SLC4A4: variants seen among roughly 807,000 people sequenced by gnomAD.
SLC4A4 encodes solute carrier family 4 member 4.
A neutral mutation model predicts 111.5 loss-of-function variants in SLC4A4; 27 were observed. The ratio of observed to expected loss-of-function variants is 0.24; its 90% CI spans 0.18 to 0.33. SLC4A4 has a LOEUF of 0.33. SLC4A4 is among the 10% of genes least tolerant of loss of function. SLC4A4 has a pLI of 1.00. For missense variants in SLC4A4, 909 were observed against 1,315.5 expected, an observed-to-expected ratio of 0.69 and a Z score of 4.78; for synonymous variants, 443 against 463.4, an observed-to-expected ratio of 0.96 and a Z score of 0.57.
At chr4:71,215,385 A>T (rs1425498119) in intron 1 of SLC4A4, among the ~76,000 whole-genome samples, 1 of 152,108 alleles carries the variant, frequency 6.6e-6, no homozygotes, top group African/African-American at 2.4e-5. Flanking sequence ...TTCAAATAAT[A>T]CTCTACTCTC....
At chr4:71,400,833 TA>T (rs1720289160) in intron 7 of SLC4A4, among the ~76,000 whole-genome samples, 3 of 152,158 alleles carry the variant, frequency 2.0e-5, no homozygotes, top group Non-Finnish European at 4.4e-5. Flanking sequence ...TATTTTTTTT[TA>T]ACCTGTTTCT....
At chr4:71,552,710 T>C (rs572037713) in intron 20 of SLC4A4, among the ~76,000 whole-genome samples, 3 of 151,998 alleles carry the variant, frequency 2.0e-5, no homozygotes, top group Admixed American at 6.6e-5. Flanking sequence ...TTGTGCTTTC[T>C]GGGTATGATT....
In SLC4A4 at chr4:71,568,721, G is replaced by C. The variant is rs920720062; in HGVS notation, c.*970G>C. 10 of 152,072 alleles carry C rather than the reference G, an allele frequency of 6.6e-5. No homozygotes were observed. Among genetic ancestry groups the C allele is most frequent in the South Asian group, 2.1e-4 (1 of 4,816 alleles). The allele number at this position is 152,072 out of a possible 1,614,324, so 9.4% of individuals were successfully genotyped here. ...TCTACCTCTTATTTGTAGCTGCCAG[G>C]CTTTCTGTAAAAATTGTATTGTATA... On this transcript the variant is annotated 3_prime_UTR_variant, in exon 26 of 26. Transcript: ENST00000264485.
At chr4:71,521,658 T>C (rs1732944085) in intron 16 of SLC4A4, among the ~76,000 whole-genome samples, 1 of 152,036 alleles carries the variant, frequency 6.6e-6, no homozygotes, top group East Asian at 1.9e-4. Context: ...GAGGTTAGAG[T>C]ATATGGAAAC....
chr4:71,209,086 A>C (rs929609558), intron 1 of SLC4A4, among the ~76,000 whole-genome samples: 5 of 152,194 alleles, frequency 3.3e-5, no homozygotes, highest in Admixed American at 1.3e-4. Flanking sequence ...TTGCCTTTGT[A>C]GTTTATTCTG....
Position 71,437,218 on chromosome 4 carries a change from C to T in SLC4A4, c.808-3398C>T, listed in dbSNP as rs116746848. The T allele has an allele frequency of 1.4e-3, 537 of 377,134 alleles. 3 individuals carry two copies. Among genetic ancestry groups the T allele is most frequent in the African/African-American group, 0.011 (506 of 47,118 alleles). 23.4% of individuals were successfully genotyped at this position (377,134 alleles called of 1,614,324 possible). The stretch of plus-strand genomic sequence containing the variant: ...TGAGTCCCTATGCTGTCCAAGAATC[C>T]ACCTATGACAGCTTTCAGAGTGGAT... On this transcript the variant is annotated intron_variant, in intron 7 of 25. Coordinates refer to ENST00000264485, the MANE Select transcript of SLC4A4 (RefSeq NM_001098484.3).
At chr4:71,553,397 A>G (rs13151067) in intron 20 of SLC4A4, among the ~76,000 whole-genome samples, 2 of 151,604 alleles carry the variant, frequency 1.3e-5, no homozygotes, top group African/African-American at 4.8e-5. Flanking sequence ...ATTAGAAAAA[A>G]CATTTAGCTA....
intron 7 of SLC4A4, among the ~76,000 whole-genome samples, chr4:71,401,612 G>T (rs1720370105): frequency 6.6e-6 from 1 of 152,012 alleles, no homozygotes; most frequent in Non-Finnish European, 1.5e-5. Flanking sequence ...TGTGAGGTGG[G>T]TGCTTATCAA....
At chr4:71,106,414 C>T (rs1260500373) in intron 2 of SLC4A4, among the ~76,000 whole-genome samples, 2 of 148,856 alleles carry the variant, frequency 1.3e-5, no homozygotes, top group African/African-American at 2.5e-5. Flanking sequence ...CCAGCCATCC[C>T]ATTACTGGGT....
chr4:71,516,429 C>A (rs1732405824), intron 16 of SLC4A4, among the ~76,000 whole-genome samples: 1 of 152,024 alleles, frequency 6.6e-6, no homozygotes, highest in African/African-American at 2.4e-5. Context: ...TATTTGAGTC[C>A]TTTTTCTTAC....
At chr4:71,498,573 T>G (rs1730617862) in intron 16 of SLC4A4, among the ~76,000 whole-genome samples, 1 of 152,122 alleles carries the variant, frequency 6.6e-6, no homozygotes, top group African/African-American at 2.4e-5. Context: ...TGAAATTCCT[T>G]TTTCCAAATT....
chr4:71,163,248 T>C (rs1362658858), intron 2 of SLC4A4, among the ~76,000 whole-genome samples: 1 of 152,204 alleles, frequency 6.6e-6, no homozygotes, highest in Non-Finnish European at 1.5e-5. Context: ...TTGTCTACTT[T>C]AAGTGAAATG....
chr4:71,141,050 A>G (rs1165570162), intron 2 of SLC4A4, among the ~76,000 whole-genome samples: 1 of 152,236 alleles, frequency 6.6e-6, no homozygotes, highest in Non-Finnish European at 1.5e-5. Flanking sequence ...TGTGAAATGT[A>G]TGATATTCTA....
intron 8 of SLC4A4, among the ~76,000 whole-genome samples, chr4:71,444,259 A>C (rs965937533): frequency 6.6e-6 from 1 of 152,198 alleles, no homozygotes. Flanking sequence ...TTGGTTCCGG[A>C]CACAGATTAT....
chr4:71,282,327 C>G (rs112084159), intron 3 of SLC4A4, among the ~76,000 whole-genome samples: 11,352 of 150,668 alleles, frequency 0.075, 770 homozygotes, highest in Admixed American at 0.21. Context: ...GAGTTTTGCT[C>G]TTGTTGCCCA....
chr4:71,073,421 T>G (rs1307047658), intron 1 of SLC4A4, among the ~76,000 whole-genome samples: 1 of 152,198 alleles, frequency 6.6e-6, no homozygotes, highest in Non-Finnish European at 1.5e-5. Context: ...GGAGAATATG[T>G]TTTTAGAAAG....
intron 22 of SLC4A4, among the ~76,000 whole-genome samples, chr4:71,558,926 T>C (rs1348254036): frequency 6.6e-6 from 1 of 151,838 alleles, no homozygotes; most frequent in Non-Finnish European, 1.5e-5. Context: ...CAAATATACC[T>C]ATTAGTGTTA....
In SLC4A4 at chr4:71,340,344, T is replaced by C. The variant is rs1195533167; in HGVS notation, c.389+839T>C. On this transcript the variant is annotated intron_variant, in intron 4 of 25. Transcript: ENST00000264485. The stretch of plus-strand genomic sequence containing the variant: ...ATGGTTTCGGTTACTCACTGTACAG[T>C]ACAGTAAGATATTTTGAGAGAGTTG... Among the ~76,000 whole-genome samples, 4 of 152,352 alleles carry C rather than the reference T, an allele frequency of 2.6e-5. No homozygotes were observed. In the South Asian group the frequency reaches 8.3e-4, roughly 32 times the overall value.
intron 2 of SLC4A4, among the ~76,000 whole-genome samples, chr4:71,137,270 C>T (rs1430642901): frequency 1.3e-5 from 2 of 152,064 alleles, no homozygotes; most frequent in African/African-American, 4.8e-5. Flanking sequence ...TAACTGGATC[C>T]CTGTCATATT....
Sources: allele counts gnomAD v4.1 joint callset (sites outside exome capture counted in the v4.1 genomes callset), GRCh38; gene constraint gnomAD v4.1.1; transcripts MANE v1.5; gene names NCBI Gene and HGNC (gene_info 2026-07-23, HGNC 2026-07-21).